The following SIPA1L1 variants were observed in gnomAD, a reference collection of about 807,000 sequenced individuals.
SIPA1L1 encodes signal-induced proliferation-associated 1-like protein 1.
SIPA1L1 carries 26 observed loss-of-function variants against 162.7 expected under a neutral mutation model. That is an observed-to-expected ratio of 0.16 (90% CI 0.12 to 0.22). The LOEUF is 0.22. Among genes scored for constraint, SIPA1L1 ranks in the 10% least tolerant of loss-of-function variants. The probability of loss-of-function intolerance (pLI) is 1.00; values close to 1 mark genes in which losing one functional copy is unlikely to be tolerated. For synonymous variants in SIPA1L1, 829 were observed against 837.4 expected (o/e 0.99, Z 0.17); for missense variants, 1,874 against 2,241.0 (o/e 0.84, Z 3.31).
chr14:71,588,196 C>A lies in SIPA1L1; in HGVS notation c.324C>A (p.Ser108Arg). 1 of 1,614,166 alleles carries A rather than the reference C, an allele frequency of 6.2e-7. No homozygotes were observed. Among genetic ancestry groups the A allele is most frequent in the Non-Finnish European group, 8.5e-7 (1 of 1,179,994 alleles). Residue 108 changes from serine to arginine, a missense_variant, in exon 5 of 24, where the codon AGC (serine) becomes AGA (arginine). Coordinates refer to ENST00000381232, the MANE Select transcript of SIPA1L1 (RefSeq NM_001386936.1). This position sits in a 1 kb window ranked among gnomAD's most constrained non-coding sequence, Gnocchi z 4.3. ...QEIETSSCLD[S>R]LSSKSSPVSQ... ...TAGAAACCTCAAGTTGCCTTGATAG[C>A]CTGTCCTCCAAAAGCAGTCCTGTGA...
At chr14:71,726,645 T>TA (rs752234706) in intron 19 of SIPA1L1, among the ~76,000 whole-genome samples, 5 of 152,248 alleles carry the variant, frequency 3.3e-5, no homozygotes, top group Non-Finnish European at 7.3e-5. Context: ...TGTGACTGTA[T>TA]TACTGTGAGA....
intron 2 of SIPA1L1, among the ~76,000 whole-genome samples, chr14:71,353,822 A>C (rs1234898879): frequency 6.6e-6 from 1 of 152,068 alleles, no homozygotes; most frequent in Admixed American, 6.6e-5. Context: ...TGCCTGAGCA[A>C]CTGGAAAGAG....
intron 5 of SIPA1L1, among the ~76,000 whole-genome samples, chr14:71,589,653 G>T (rs2035016706): frequency 6.6e-6 from 1 of 152,132 alleles, no homozygotes; most frequent in South Asian, 2.1e-4. Context: ...TTGTTGTACA[G>T]TAGATTTGCT....
intron 7 of SIPA1L1, among the ~76,000 whole-genome samples, chr14:71,640,945 A>G (rs1254772728): frequency 2.6e-5 from 4 of 152,188 alleles, no homozygotes; most frequent in East Asian, 3.9e-4. Context: ...CTCTAAAACT[A>G]AAAAACCCCT....
rs377176910 is a variant in SIPA1L1, at chr14:71,378,476, T to G, written c.-465+57295T>G. Among the ~76,000 whole-genome samples the G allele has an allele frequency of 2.3e-4, 35 of 152,346 alleles. 1 individual carries two copies. In the East Asian group the frequency reaches 5.8e-3, roughly 25 times the overall value. ...ACATTGGGGATTTTCTTAGATATCC[T>G]GTTATTGATTTCTAATTTAATTCTG... On this transcript the variant is annotated intron_variant, in intron 2 of 23. Transcript: ENST00000381232.
intron 2 of SIPA1L1, among the ~76,000 whole-genome samples, chr14:71,410,087 C>T (rs1208852627): frequency 6.6e-6 from 1 of 152,096 alleles, no homozygotes; most frequent in Non-Finnish European, 1.5e-5. Context: ...TGCCTTTGTG[C>T]CAAACTGCTT....
intron 5 of SIPA1L1, among the ~76,000 whole-genome samples, chr14:71,592,644 G>A (rs901434537): frequency 6.6e-6 from 1 of 152,054 alleles, no homozygotes; most frequent in African/African-American, 2.4e-5. Context: ...GGGAGGGGGT[G>A]GAGGGGGAGT....
At chr14:71,538,476 G>A (rs2054096661) in intron 4 of SIPA1L1, among the ~76,000 whole-genome samples, 1 of 152,082 alleles carries the variant, frequency 6.6e-6, no homozygotes, top group African/African-American at 2.4e-5. Context: ...TGTGTAGTCT[G>A]GCAGATTGGG....
At chr14:71,603,177 T>C (rs1009526450) in intron 5 of SIPA1L1, among the ~76,000 whole-genome samples, 1 of 152,230 alleles carries the variant, frequency 6.6e-6, no homozygotes, top group African/African-American at 2.4e-5. Flanking sequence ...TCACTTTTGG[T>C]TTCCATTTCC....
chr14:71,551,053 C>T (rs527236390), intron 4 of SIPA1L1, among the ~76,000 whole-genome samples: 52 of 152,230 alleles, frequency 3.4e-4, no homozygotes, highest in African/African-American at 1.2e-3. Context: ...CTTGCTCTTC[C>T]CTCTGCCTGG....
intron 2 of SIPA1L1, among the ~76,000 whole-genome samples, chr14:71,351,980 TGA>T (rs2036761921): frequency 1.3e-5 from 2 of 149,858 alleles, no homozygotes; most frequent in Admixed American, 1.3e-4. Context: ...ATCTAGTATG[TGA>T]GATAGTGTGC....
chr14:71,464,805 A>G (rs2046866309), intron 2 of SIPA1L1, among the ~76,000 whole-genome samples: 1 of 152,206 alleles, frequency 6.6e-6, no homozygotes, highest in Non-Finnish European at 1.5e-5. Context: ...GATATAAATT[A>G]GAAAACTCAA....
At chr14:71,589,901 G>A (rs149181729) in intron 5 of SIPA1L1, among the ~76,000 whole-genome samples, 210 of 151,102 alleles carry the variant, frequency 1.4e-3, no homozygotes, top group Non-Finnish European at 2.5e-3. Context: ...AAGTCACAGA[G>A]CCAATAAGTC....
chr14:71,475,736 G>A (rs943482105), intron 2 of SIPA1L1, among the ~76,000 whole-genome samples: 1 of 152,152 alleles, frequency 6.6e-6, no homozygotes, highest in Non-Finnish European at 1.5e-5. Flanking sequence ...ATGTACATAG[G>A]ACACAGCTGA....
chr14:71,713,474 A>G (rs117652277), intron 17 of SIPA1L1, among the ~76,000 whole-genome samples: 206 of 152,374 alleles, frequency 1.4e-3, no homozygotes, highest in Non-Finnish European at 2.4e-3. Context: ...AGAACAGCTA[A>G]TATACAAATA....
intron 2 of SIPA1L1, among the ~76,000 whole-genome samples, chr14:71,484,632 A>T (rs915896425): frequency 6.6e-6 from 1 of 152,122 alleles, no homozygotes; most frequent in Non-Finnish European, 1.5e-5. Flanking sequence ...CAGGATTGAA[A>T]TCTAGGTTTG....
intron 4 of SIPA1L1, among the ~76,000 whole-genome samples, chr14:71,582,852 A>G (rs1187205783): frequency 6.6e-6 from 1 of 152,218 alleles, no homozygotes; most frequent in African/African-American, 2.4e-5. Flanking sequence ...AAAAAGTTTT[A>G]CGCTGATTCA....
At chr14:71,493,661 T>C (rs1249605360) in intron 2 of SIPA1L1, among the ~76,000 whole-genome samples, 1 of 152,218 alleles carries the variant, frequency 6.6e-6, no homozygotes, top group African/African-American at 2.4e-5. Flanking sequence ...TATTGTTTCT[T>C]ACCTAAAAGC....
intron 5 of SIPA1L1, among the ~76,000 whole-genome samples, chr14:71,591,100 T>C (rs953457572): frequency 6.6e-6 from 1 of 152,110 alleles, no homozygotes; most frequent in Admixed American, 6.5e-5. Context: ...CTGAAACATA[T>C]TAGTTATAAT....
Sources: gnomAD v4.1 joint callset for allele counts (sites outside exome capture counted in the v4.1 genomes callset) on GRCh38, gnomAD v4.1.1 for gene constraint, Gnocchi (gnomAD v3.1) non-coding constraint, MANE v1.5 for transcripts, NCBI Gene and HGNC (gene_info 2026-07-23, HGNC 2026-07-21) for gene names.